The following PTPRR variants were observed in gnomAD, a reference collection of about 807,000 sequenced individuals.
PTPRR encodes receptor-type tyrosine-protein phosphatase R.
Under a neutral mutation model 77.2 loss-of-function variants are expected in PTPRR, and 38 were observed. The ratio of observed to expected loss-of-function variants is 0.49; its 90% CI spans 0.38 to 0.65. The LOEUF is 0.65. Among genes scored for constraint, PTPRR ranks in the 30% least tolerant of loss-of-function variants. The pLI is 0.00. For missense variants in PTPRR, 744 were observed against 799.2 expected, an observed-to-expected ratio of 0.93 and a Z score of 0.83; for synonymous variants, 299 against 283.1, an observed-to-expected ratio of 1.06 and a Z score of -0.57.
chr12:70,723,587 G>A (rs1889334869), intron 6 of PTPRR, among the ~76,000 whole-genome samples: 1 of 151,956 alleles, frequency 6.6e-6, no homozygotes, highest in African/African-American at 2.4e-5. Flanking sequence ...CTTTTTATAA[G>A]GACAGTCTCA....
At chr12:70,821,783 G>A (rs1892018901) in intron 2 of PTPRR, among the ~76,000 whole-genome samples, 1 of 151,990 alleles carries the variant, frequency 6.6e-6, no homozygotes, top group Admixed American at 6.6e-5. Context: ...TCCTGCCTCA[G>A]CCTCCCAAGT....
chr12:70,781,028 A>G (rs1891192249), intron 2 of PTPRR, among the ~76,000 whole-genome samples: 1 of 152,202 alleles, frequency 6.6e-6, no homozygotes, highest in Admixed American at 6.5e-5. Context: ...TGCTTGAAGG[A>G]GGTGCAGTCA....
intron 6 of PTPRR, among the ~76,000 whole-genome samples, chr12:70,715,555 G>A (rs921710878): frequency 1.3e-5 from 2 of 152,182 alleles, no homozygotes; most frequent in African/African-American, 4.8e-5. Context: ...ACAGTCTACA[G>A]ACCATAACAG....
At chr12:70,815,017 A>G (rs1444449515) in intron 2 of PTPRR, among the ~76,000 whole-genome samples, 1 of 152,032 alleles carries the variant, frequency 6.6e-6, no homozygotes, top group Admixed American at 6.6e-5. Context: ...AACAGACCAG[A>G]AATGATATAG....
chr12:70,697,059 T>A (rs1888256745), intron 8 of PTPRR, among the ~76,000 whole-genome samples: 1 of 152,194 alleles, frequency 6.6e-6, no homozygotes, highest in Admixed American at 6.5e-5. Flanking sequence ...ATCATTTTTG[T>A]GTGAACACAT....
At chr12:70,648,228 G>A (rs920276294) in intron 13 of PTPRR, among the ~76,000 whole-genome samples, 1 of 152,048 alleles carries the variant, frequency 6.6e-6, no homozygotes, top group African/African-American at 2.4e-5. Context: ...ATATTCCTGA[G>A]GCTAGATTTT....
At chr12:70,728,765 C>G (rs1478530351) in intron 6 of PTPRR, among the ~76,000 whole-genome samples, 1 of 151,848 alleles carries the variant, frequency 6.6e-6, no homozygotes, top group Non-Finnish European at 1.5e-5. Flanking sequence ...AATTAGTTAA[C>G]TTCTTTATCT....
rs546998733 is a variant in PTPRR at position 70,913,588 on chromosome 12, G to A, written c.58+6745C>T. 5.3e-5 allele frequency among the ~76,000 whole-genome samples: 8 copies of A among 152,198 alleles called. 1 individual carries two copies. The South Asian group carries it at 1.7e-3, about 32-fold the overall frequency. ...TTCTTAAGTAGTACTGGAAAATCAT[G>A]CAAGAATGTCTATCCATCTAGAAAG... On this transcript the variant is annotated intron_variant, in intron 1 of 13. Coordinates refer to ENST00000283228, the MANE Select transcript of PTPRR (RefSeq NM_002849.4).
At chr12:70,847,307 T>A (rs898015063) in intron 2 of PTPRR, among the ~76,000 whole-genome samples, 1 of 152,194 alleles carries the variant, frequency 6.6e-6, no homozygotes, top group Non-Finnish European at 1.5e-5. Flanking sequence ...CATTACTATT[T>A]ATTATCGATG....
intron 2 of PTPRR, among the ~76,000 whole-genome samples, chr12:70,843,809 T>A (rs1033442883): frequency 7.1e-4 from 68 of 96,274 alleles, no homozygotes; most frequent in African/African-American, 3.7e-3. Context: ...TTGCTGAAAA[T>A]TTTTTTTTTT....
chr12:70,774,735 C>T (rs1044737331), intron 2 of PTPRR, among the ~76,000 whole-genome samples: 1 of 152,002 alleles, frequency 6.6e-6, no homozygotes, highest in African/African-American at 2.4e-5. Context: ...TAATATATGC[C>T]AGGCATTATA....
chr12:70,748,554 G>A (rs1890285506), intron 5 of PTPRR, among the ~76,000 whole-genome samples: 1 of 152,066 alleles, frequency 6.6e-6, no homozygotes, highest in South Asian at 2.1e-4. Flanking sequence ...AAGGAAAAGA[G>A]AACAGATTAT....
chr12:70,794,477 G>A (rs1034948275), intron 2 of PTPRR, among the ~76,000 whole-genome samples: 1 of 152,164 alleles, frequency 6.6e-6, no homozygotes, highest in Non-Finnish European at 1.5e-5. Flanking sequence ...GGAGGGAAGA[G>A]GAATGTAGAT....
intron 2 of PTPRR, among the ~76,000 whole-genome samples, chr12:70,882,171 A>G (rs867888580): frequency 1.6e-4 from 24 of 152,286 alleles, no homozygotes; most frequent in African/African-American, 5.5e-4. Context: ...TTGAAATCTA[A>G]TCCTGCGCAA....
At chr12:70,716,559 C>T (rs1302060508) in intron 6 of PTPRR, among the ~76,000 whole-genome samples, 1 of 152,204 alleles carries the variant, frequency 6.6e-6, no homozygotes, top group African/African-American at 2.4e-5. Flanking sequence ...AGACCACTCT[C>T]TCAATTATCT....
rs1404761369 is a variant in PTPRR, at chr12:70,783,867, GGGGGGGGGC to G, written c.358-19098_358-19090del. 7.3e-4 allele frequency among the ~76,000 whole-genome samples: 91 copies of G among 125,358 alleles called. 3 individuals carry two copies. The highest frequency in any genetic ancestry group is 3.5e-3 in the African/African-American group (87 of 24,610). The allele number at this position is 125,358 out of a possible 152,430, so 82.2% of individuals were successfully genotyped here. ...TCTAAGGCTGTGTGGGGGGGACGGG[GGGGGGGGGC>G]GGGGGGCGGGGGTTGGCACGTCAGC... On this transcript the variant is annotated intron_variant, in intron 2 of 13. Coordinates refer to ENST00000283228, the MANE Select transcript of PTPRR (RefSeq NM_002849.4).
intron 2 of PTPRR, among the ~76,000 whole-genome samples, chr12:70,765,599 A>G (rs1261314219): frequency 6.6e-6 from 1 of 152,168 alleles, no homozygotes; most frequent in Non-Finnish European, 1.5e-5. Context: ...GACAAACAAA[A>G]AGACAGCAGT....
At chr12:70,746,934 C>A (rs1226170495) in intron 5 of PTPRR, among the ~76,000 whole-genome samples, 1 of 151,926 alleles carries the variant, frequency 6.6e-6, no homozygotes, top group African/African-American at 2.4e-5. Flanking sequence ...TATTCATTGA[C>A]TCTGGTAGGG....
chr12:70,752,958 G>A (rs1890449610), intron 5 of PTPRR, among the ~76,000 whole-genome samples: 2 of 152,106 alleles, frequency 1.3e-5, no homozygotes, highest in Admixed American at 1.3e-4. Flanking sequence ...TCTCTGCCAT[G>A]TGAAATATAA....
Sources: allele counts gnomAD v4.1 joint callset (sites outside exome capture counted in the v4.1 genomes callset), GRCh38; gene constraint gnomAD v4.1.1; transcripts MANE v1.5; gene names NCBI Gene and HGNC (gene_info 2026-07-23, HGNC 2026-07-21).